LDB2: variants seen among roughly 807,000 people sequenced by gnomAD.
LDB2 encodes LIM domain binding 2.
A neutral mutation model predicts 44.3 loss-of-function variants in LDB2; 12 were observed. The ratio of observed to expected loss-of-function variants is 0.27; its 90% CI spans 0.17 to 0.44. The LOEUF is 0.44. LDB2 is among the 20% of genes least tolerant of loss of function. The pLI, the probability that LDB2 is intolerant of heterozygous loss-of-function variation, is 1.00. For synonymous variants in LDB2, 164 were observed against 174.8 expected, an observed-to-expected ratio of 0.94 and a Z score of 0.49; for missense variants, 344 against 473.5, an observed-to-expected ratio of 0.73 and a Z score of 2.54.
intron 1 of LDB2, among the ~76,000 whole-genome samples, chr4:16,826,971 C>G (rs1009999368): frequency 1.3e-5 from 2 of 152,102 alleles, no homozygotes; most frequent in Non-Finnish European, 2.9e-5. Flanking sequence ...TGTAGAAGCT[C>G]AATCATAATC....
At chr4:16,734,277 G>T (rs2108946792) in intron 2 of LDB2, among the ~76,000 whole-genome samples, 1 of 152,304 alleles carries the variant, frequency 6.6e-6, no homozygotes, top group East Asian at 1.9e-4. Flanking sequence ...ACTCACTGGG[G>T]TAATGCATCC....
intron 1 of LDB2, among the ~76,000 whole-genome samples, chr4:16,817,007 T>G (rs553300497): frequency 6.6e-6 from 1 of 152,236 alleles, no homozygotes; most frequent in South Asian, 2.1e-4. Context: ...TTTATTGGCT[T>G]CAGTATTGCA....
chr4:16,557,517 C>G (rs1204234764), intron 5 of LDB2, among the ~76,000 whole-genome samples: 1 of 152,240 alleles, frequency 6.6e-6, no homozygotes, highest in African/African-American at 2.4e-5. Context: ...GGGAGGGGCG[C>G]CTGCCATTGC....
chr4:16,619,519 G>A lies in LDB2; in HGVS notation c.236-23644C>T, dbSNP rs79029531. Reference sequence around the variant, plus strand: ...CACTCCACTTAACATGTTAAAATACGTTGGAGCACTGAGCTTTACCCAAGG... The same window carrying A: ...CACTCCACTTAACATGTTAAAATACATTGGAGCACTGAGCTTTACCCAAGG... On this transcript the variant is annotated intron_variant, in intron 2 of 7. Transcript: ENST00000304523. Among the ~76,000 whole-genome samples the A allele has an allele frequency of 3.1e-3, 473 of 152,276 alleles. 3 individuals are homozygous for A. The highest frequency in any genetic ancestry group is 0.011 in the African/African-American group (461 of 41,556).
intron 1 of LDB2, among the ~76,000 whole-genome samples, chr4:16,798,931 A>G (rs1000952359): frequency 6.6e-6 from 1 of 152,006 alleles, no homozygotes; most frequent in Non-Finnish European, 1.5e-5. Context: ...GCTCACTGCA[A>G]ACTCCGCCTC....
At chr4:16,856,457 A>C (rs1289757042) in intron 1 of LDB2, among the ~76,000 whole-genome samples, 1 of 152,170 alleles carries the variant, frequency 6.6e-6, no homozygotes, top group African/African-American at 2.4e-5. Context: ...TGTGTCCATT[A>C]CAGAGGTTAG....
At chr4:16,721,741 T>C (rs1758333205) in intron 2 of LDB2, among the ~76,000 whole-genome samples, 1 of 152,164 alleles carries the variant, frequency 6.6e-6, no homozygotes. Flanking sequence ...TTGTCTCATC[T>C]TGACACTAAA....
intron 5 of LDB2, among the ~76,000 whole-genome samples, chr4:16,514,495 T>C (rs1180959242): frequency 1.3e-5 from 2 of 152,224 alleles, no homozygotes; most frequent in Admixed American, 1.3e-4. Context: ...ACCAACTGTC[T>C]CATGTTCTCT....
chr4:16,851,510 C>CT (rs947235252), intron 1 of LDB2, among the ~76,000 whole-genome samples: 13 of 151,784 alleles, frequency 8.6e-5, no homozygotes, highest in African/African-American at 3.1e-4. Context: ...GAGAGAATCA[C>CT]TTGAAACCAG....
intron 1 of LDB2, among the ~76,000 whole-genome samples, chr4:16,867,977 T>C (rs1354381958): frequency 1.3e-5 from 2 of 152,206 alleles, no homozygotes; most frequent in South Asian, 2.1e-4. Flanking sequence ...TTGCTATCCC[T>C]GATAAAGTCC....
intron 1 of LDB2, among the ~76,000 whole-genome samples, chr4:16,828,713 T>TA (rs76994214): frequency 0.3 from 44,943 of 151,856 alleles, 6,858 homozygotes; most frequent in South Asian, 0.46. Context: ...CACGTGCACT[T>TA]AAAAAAATCC....
chr4:16,809,098 A>G (rs747932930), intron 1 of LDB2, among the ~76,000 whole-genome samples: 4 of 152,190 alleles, frequency 2.6e-5, no homozygotes, highest in Non-Finnish European at 4.4e-5. Context: ...AAAGTCTAAG[A>G]TCCCCTAAAT....
intron 1 of LDB2, among the ~76,000 whole-genome samples, chr4:16,830,658 T>C (rs749182613): frequency 1.3e-5 from 2 of 152,248 alleles, no homozygotes; most frequent in Non-Finnish European, 2.9e-5. Flanking sequence ...TTTTTGTTTC[T>C]TTTAAATCAA....
chr4:16,536,916 A>G (rs1430046598), intron 5 of LDB2, among the ~76,000 whole-genome samples: 2 of 152,256 alleles, frequency 1.3e-5, no homozygotes, highest in African/African-American at 4.8e-5. Flanking sequence ...TGCTCTAAAA[A>G]TGAAACAGGA....
chr4:16,749,293 G>T (rs966619849), intron 2 of LDB2, among the ~76,000 whole-genome samples: 1 of 151,754 alleles, frequency 6.6e-6, no homozygotes, highest in Non-Finnish European at 1.5e-5. Flanking sequence ...TATGAGTCTC[G>T]GCGGGGTGTG....
At chr4:16,712,613 T>C (rs905629891) in intron 2 of LDB2, among the ~76,000 whole-genome samples, 7 of 151,732 alleles carry the variant, frequency 4.6e-5, no homozygotes, top group South Asian at 2.1e-4. Flanking sequence ...CCTGAAAAAA[T>C]GCTCAACATC....
At chr4:16,874,241 T>TTTATA (rs1717674186) in intron 1 of LDB2, among the ~76,000 whole-genome samples, 1 of 152,058 alleles carries the variant, frequency 6.6e-6, no homozygotes, top group African/African-American at 2.4e-5. Flanking sequence ...AAGATTCAGT[T>TTTATA]TTATATTATA....
chr4:16,672,473 A>G (rs1233414955), intron 2 of LDB2, among the ~76,000 whole-genome samples: 1 of 152,212 alleles, frequency 6.6e-6, no homozygotes, highest in Non-Finnish European at 1.5e-5. Flanking sequence ...CCTTGCCCAG[A>G]GAGGCAAGAG....
intron 2 of LDB2, among the ~76,000 whole-genome samples, chr4:16,638,775 C>T (rs146369428): frequency 0.013 from 1,941 of 152,222 alleles, 22 homozygotes; most frequent in South Asian, 0.033. Flanking sequence ...TTCCTGCTTT[C>T]GAGGAGTTTA....
Sources: gnomAD v4.1 joint callset for allele counts (sites outside exome capture counted in the v4.1 genomes callset) on GRCh38, gnomAD v4.1.1 for gene constraint, MANE v1.5 for transcripts, NCBI Gene and HGNC (gene_info 2026-07-23, HGNC 2026-07-21) for gene names.